LRRC37A3: variants seen among roughly 807,000 people sequenced by gnomAD.
The protein encoded by LRRC37A3 is leucine rich repeat containing 37 member A3, also known as leucine-rich repeat-containing protein 37A3.
In LRRC37A3, 25 loss-of-function variants were observed where a neutral mutation model predicts 106.2. The ratio of observed to expected loss-of-function variants is 0.24; its 90% CI spans 0.17 to 0.33. LRRC37A3 has a LOEUF of 0.33. Among genes scored for constraint, LRRC37A3 ranks in the 10% least tolerant of loss-of-function variants. The pLI is 1.00. For synonymous variants in LRRC37A3, 305 were observed against 635.8 expected, an observed-to-expected ratio of 0.48 and a Z score of 7.83; for missense variants, 712 against 1,644.9, an observed-to-expected ratio of 0.43 and a Z score of 9.81.
rs964111922 is a variant in LRRC37A3, at chr17:64,881,301, G to A, written c.2906+4785C>T. 8 of 668,750 alleles carry A rather than the reference G, an allele frequency of 1.2e-5. No homozygotes were observed. The African/African-American group carries it at 1.5e-4, about 12-fold the overall frequency. The allele number at this position is 668,750 out of a possible 1,614,324, so 41.4% of individuals were successfully genotyped here. A position where few individuals can be genotyped will look rare whatever the true frequency, so the allele number is the denominator to read the frequency against. On this transcript the variant is annotated intron_variant, in intron 8 of 14. Transcript: ENST00000584306. ...TCTGTTGCCCAGGCTGGAGTGCAGTGCAGTGGTGTGATCTTGGCTCACTGC... is the reference window on the plus strand; with the variant it reads ...TCTGTTGCCCAGGCTGGAGTGCAGTACAGTGGTGTGATCTTGGCTCACTGC...
chr17:64,871,951 G>A (rs1973329561), intron 8 of LRRC37A3, among the ~76,000 whole-genome samples: 1 of 151,808 alleles, frequency 6.6e-6, no homozygotes, highest in Non-Finnish European at 1.5e-5. Context: ...GGCTAACAAG[G>A]CGAAACCCCG....
At position 64,860,175 on chromosome 17, in the gene LRRC37A3, C is replaced by T. The variant is rs780609688; in HGVS notation, c.3971G>A (p.Ser1324Asn). The change falls in exon 12 of 15, where the codon AGT becomes AAT. Residue 1324 changes from serine (S) to asparagine (N), a missense_variant. Ser to Asn is a conservative substitution (Grantham distance 46). Coordinates refer to ENST00000584306, the MANE Select transcript of LRRC37A3 (RefSeq NM_199340.5). Reference protein sequence around the residue: ...MTHRTPKVKKSPKVRKKSYLS... With the variant: ...MTHRTPKVKKNPKVRKKSYLS... ...ATAACTTTTCTTTCTGACCTTTGGA[C>T]TCTTTTTGACCTTGGGTGTTCTGTG... 1.2e-6 allele frequency: 2 copies of T among 1,613,920 alleles called. No homozygotes were observed. Among genetic ancestry groups the T allele is most frequent in the East Asian group, 4.5e-5 (2 of 44,884 alleles).
intron 2 of LRRC37A3, among the ~76,000 whole-genome samples, chr17:64,912,316 C>T (rs1214211270): frequency 8.3e-6 from 1 of 121,094 alleles, no homozygotes; most frequent in Non-Finnish European, 1.7e-5. Flanking sequence ...AGATACATAT[C>T]TACATACATT....
chr17:64,859,100 G>A (rs1372524404), intron 12 of LRRC37A3, among the ~76,000 whole-genome samples: 3 of 152,012 alleles, frequency 2.0e-5, no homozygotes, highest in Non-Finnish European at 4.4e-5. Context: ...CTACAGGCAC[G>A]TGTCATCAAC....
rs61583094 is a variant in LRRC37A3, at chr17:64,866,801, T to TTATA, written c.3053+1657_3053+1660dup. The stretch of plus-strand genomic sequence containing the variant: ...GTGTGCCACCACACCTGGCTGATTT[T>TTATA]TATATATATATATATATATATATCC... On this transcript the variant is annotated intron_variant, in intron 10 of 14. Coordinates refer to ENST00000584306, the MANE Select transcript of LRRC37A3 (RefSeq NM_199340.5). Among the ~76,000 whole-genome samples the TTATA allele has an allele frequency of 3.3e-3, 412 of 124,698 alleles. 3 individuals carry two copies. The highest frequency in any genetic ancestry group is 0.021 in the East Asian group (89 of 4,244). The allele number at this position is 124,698 out of a possible 152,430, so 81.8% of individuals were successfully genotyped here.
At chr17:64,893,984 C>T (rs1974047560) in intron 4 of LRRC37A3, among the ~76,000 whole-genome samples, 1 of 146,880 alleles carries the variant, frequency 6.8e-6, no homozygotes, top group African/African-American at 2.7e-5. Flanking sequence ...GTTCTGGAGA[C>T]AGTAGCATAC....
chr17:64,855,803 A>C (rs752577504), intron 14 of LRRC37A3, 37 bp downstream of exon 14: 5 of 1,610,688 alleles, frequency 3.1e-6, no homozygotes, highest in Non-Finnish European at 3.4e-6. Context: ...CTCCGTCTCA[A>C]AAGAAAAGAA....
chr17:64,918,973 G>C, intron 1 of LRRC37A3, 103 bp from the exon 2 acceptor site: 1 of 1,183,588 alleles, frequency 8.4e-7, no homozygotes. Flanking sequence ...GGGCCAGGTG[G>C]CTGCCCCCGC....
chr17:64,883,208 G>A (rs940115468), intron 8 of LRRC37A3, among the ~76,000 whole-genome samples: 17 of 152,132 alleles, frequency 1.1e-4, no homozygotes, highest in East Asian at 1.9e-4. Context: ...GCAAAACCTC[G>A]ATATGGTTGT....
intron 8 of LRRC37A3, among the ~76,000 whole-genome samples, chr17:64,883,252 G>T (rs1385698699): frequency 6.6e-6 from 1 of 152,100 alleles, no homozygotes; most frequent in Non-Finnish European, 1.5e-5. Flanking sequence ...GCAGAATCCA[G>T]TTAAGTCCAC....
At chr17:64,870,036 C>T (rs1450198326) in intron 8 of LRRC37A3, among the ~76,000 whole-genome samples, 1 of 150,946 alleles carries the variant, frequency 6.6e-6, no homozygotes, top group Non-Finnish European at 1.5e-5. Context: ...ATCACCTGTC[C>T]ACTTGTCAGG....
intron 10 of LRRC37A3, among the ~76,000 whole-genome samples, chr17:64,865,018 G>A (rs1462674771): frequency 1.3e-5 from 2 of 152,168 alleles, no homozygotes; most frequent in East Asian, 1.9e-4. Flanking sequence ...ACCTATAAAG[G>A]AACAATCACA....
intron 10 of LRRC37A3, among the ~76,000 whole-genome samples, chr17:64,866,628 ATTTTTT>A (rs1183521580): frequency 2.2e-4 from 4 of 17,870 alleles, no homozygotes; most frequent in Admixed American, 1.3e-3. Flanking sequence ...ATATATATAT[ATTTTTT>A]TTTTTTTTTT....
At chr17:64,874,503 G>A (rs765703946) in intron 8 of LRRC37A3, among the ~76,000 whole-genome samples, 94 of 149,908 alleles carry the variant, frequency 6.3e-4, no homozygotes, top group Non-Finnish European at 1.1e-3. Flanking sequence ...CCGGCCAGCC[G>A]CCCCGTCCGG....
intron 13 of LRRC37A3, among the ~76,000 whole-genome samples, chr17:64,858,480 ACATC>A (rs1206571938): frequency 2.0e-5 from 3 of 152,360 alleles, no homozygotes; most frequent in East Asian, 3.9e-4. Flanking sequence ...CTTGGTGAGT[ACATC>A]CAATTGTTGA....
intron 11 of LRRC37A3, among the ~76,000 whole-genome samples, chr17:64,862,475 C>G (rs1176132955): frequency 4.0e-5 from 6 of 151,838 alleles, no homozygotes; most frequent in Non-Finnish European, 5.9e-5. Flanking sequence ...ACTGTAAAAA[C>G]AGAAAGACCA....
At chr17:64,858,281 C>T (rs905024528) in intron 13 of LRRC37A3, among the ~76,000 whole-genome samples, 12 of 152,130 alleles carry the variant, frequency 7.9e-5, no homozygotes, top group African/African-American at 2.9e-4. Context: ...TTTAACTGGA[C>T]CTATTTAGAC....
In LRRC37A3 at chr17:64,860,503, T is replaced by C. The variant is rs9893710; in HGVS notation, c.3643A>G (p.Lys1215Glu). Residue 1215 changes from lysine (K) to glutamate (E), a missense_variant, in exon 12 of 15, where the codon AAA (lysine) becomes GAA (glutamate). Lys to Glu is a moderately conservative substitution (Grantham distance 56, BLOSUM62 1). Transcript: ENST00000584306. ...GGCCCCTGCTGTGTGTGAGGCTGTT[T>C]CAGCTCCCTTGGGGCTGGACTTCCG... ...RLGSPAPREL[K>E]QPHTQQGPEK... The C allele has an allele frequency of 0.027, 43,445 of 1,613,000 alleles. 10,114 individuals carry two copies. In the African/African-American group the frequency reaches 0.51, roughly 19 times the overall value.
At chr17:64,881,133 C>T (rs1973687344) in intron 8 of LRRC37A3, 1 of 700,972 alleles carries the variant, frequency 1.4e-6, no homozygotes. Context: ...AGCCACACAT[C>T]TCCCCACACC....
Sources: gnomAD v4.1 joint callset for allele counts (sites outside exome capture counted in the v4.1 genomes callset) on GRCh38, gnomAD v4.1.1 for gene constraint, MANE v1.5 for transcripts, NCBI Gene and HGNC (gene_info 2026-07-23, HGNC 2026-07-21) for gene names.